CCDC60: variants seen among roughly 807,000 people sequenced by gnomAD.
CCDC60 encodes coiled-coil domain-containing protein 60.
CCDC60 carries 54 observed loss-of-function variants against 63.5 expected under a neutral mutation model. That is an observed-to-expected ratio of 0.85 (90% CI 0.68 to 1.07). The LOEUF (loss-of-function observed/expected upper bound fraction) is 1.07, where lower values mean the gene tolerates loss of function less well. Among genes scored for constraint, CCDC60 ranks in the 50% least tolerant of loss-of-function variants. CCDC60 has a pLI of 0.00. For missense variants in CCDC60, 651 were observed against 684.3 expected, an observed-to-expected ratio of 0.95 and a Z score of 0.54; for synonymous variants, 206 against 238.8, an observed-to-expected ratio of 0.86 and a Z score of 1.27.
chr12:119,367,513 T>C (rs1449063685), intron 1 of CCDC60, among the ~76,000 whole-genome samples: 1 of 152,196 alleles, frequency 6.6e-6, no homozygotes, highest in Non-Finnish European at 1.5e-5. Flanking sequence ...GATATCTATT[T>C]TAGTGTTTGT....
At chr12:119,335,557 G>A (rs1035470892) in intron 1 of CCDC60, among the ~76,000 whole-genome samples, 3 of 150,748 alleles carry the variant, frequency 2.0e-5, no homozygotes, top group African/African-American at 2.4e-5. Context: ...CAGTGATGAT[G>A]AGCATTTTTT....
At position 119,511,147 on chromosome 12, in the gene CCDC60, C is replaced by T. The variant is rs529619286; in HGVS notation, c.884-5476C>T. Among the ~76,000 whole-genome samples the T allele has an allele frequency of 3.3e-5, 5 of 152,300 alleles. No homozygotes were observed. The South Asian group carries it at 1.0e-3, about 32-fold the overall frequency. On this transcript the variant is annotated intron_variant, in intron 7 of 13. Coordinates refer to ENST00000327554, the MANE Select transcript of CCDC60 (RefSeq NM_178499.5). ...AGTTTGCTACTTTAGCCTCCCAAAC[C>T]TTTTCCTCCATTTATACCTTAACCT...
intron 1 of CCDC60, among the ~76,000 whole-genome samples, chr12:119,349,686 T>C (rs1287941671): frequency 6.6e-6 from 1 of 152,060 alleles, no homozygotes; most frequent in Non-Finnish European, 1.5e-5. Context: ...GTCCCTGAAG[T>C]TGACAACGGA....
intron 1 of CCDC60, among the ~76,000 whole-genome samples, chr12:119,352,540 A>C (rs1268742964): frequency 6.6e-6 from 1 of 152,232 alleles, no homozygotes; most frequent in East Asian, 1.9e-4. Context: ...CCTGAAAACC[A>C]GCCCAGTCTG....
At chr12:119,490,283 AT>A (rs1473642816) in intron 5 of CCDC60, among the ~76,000 whole-genome samples, 1 of 152,234 alleles carries the variant, frequency 6.6e-6, no homozygotes, top group Non-Finnish European at 1.5e-5. Context: ...GGTTGGGATA[AT>A]TTTAAAACTA....
chr12:119,516,074 AG>A (rs1334703731), intron 7 of CCDC60, among the ~76,000 whole-genome samples: 1 of 152,122 alleles, frequency 6.6e-6, no homozygotes, highest in Non-Finnish European at 1.5e-5. Context: ...CTGTGTTGAA[AG>A]AATTTATTTA....
At chr12:119,396,878 C>T (rs1386306108) in intron 1 of CCDC60, among the ~76,000 whole-genome samples, 1 of 152,182 alleles carries the variant, frequency 6.6e-6, no homozygotes, top group East Asian at 1.9e-4. Context: ...TCGCTGACTT[C>T]AAGAATGAAG....
chr12:119,516,857 T>C lies in CCDC60; in HGVS notation c.968+150T>C, dbSNP rs578059174. 3.9e-4 allele frequency: 235 copies of C among 602,750 alleles called. 1 individual carries two copies. The highest frequency in any genetic ancestry group is 6.1e-5 in the South Asian group (3 of 49,072). The allele number at this position is 602,750 out of a possible 1,614,324, so 37.3% of individuals were successfully genotyped here. A position where few individuals can be genotyped will look rare whatever the true frequency, so the allele number is the denominator to read the frequency against. On this transcript the variant is annotated intron_variant, in intron 8 of 13. Transcript: ENST00000327554. ...TCACCTCTCTGAGTTCTTACAATAA[T>C]CCTACAAGGTAGGTACTATTATCTT...
In CCDC60 at chr12:119,540,899, G is replaced by A; in HGVS notation, c.*184G>A. 1.8e-6 allele frequency: 1 copy of A among 547,540 alleles called. No homozygotes were observed. Among genetic ancestry groups the A allele is most frequent in the Non-Finnish European group, 3.2e-6 (1 of 309,862 alleles). The allele number at this position is 547,540 out of a possible 1,614,324, so 33.9% of individuals were successfully genotyped here. On this transcript the variant is annotated 3_prime_UTR_variant, in exon 14 of 14. Transcript: ENST00000327554. ...TTTTTAGAGGGGGATGGCCCCGGTG[G>A]CCCTCCCCTCAATTCCACACCCCAG...
rs566274926 is a variant in CCDC60, at chr12:119,360,265, G to A, written c.90+24999G>A. ...CGGGCAGAGGCGCCCCTCACCTCCC[G>A]GACGGGGCGGCTGGCCGGGCAGGGG... is the stretch of plus-strand genomic sequence containing the variant. On this transcript the variant is annotated intron_variant, in intron 1 of 13. Coordinates refer to ENST00000327554, the MANE Select transcript of CCDC60 (RefSeq NM_178499.5). Among the ~76,000 whole-genome samples the A allele has an allele frequency of 9.3e-5, 13 of 139,098 alleles. No individual in the cohort carries two copies. The East Asian group carries it at 1.8e-3, about 20-fold the overall frequency. 91.3% of individuals were successfully genotyped at this position (139,098 alleles called of 152,430 possible).
intron 4 of CCDC60, among the ~76,000 whole-genome samples, chr12:119,485,726 CCTAA>C (rs1291519355): frequency 6.6e-6 from 1 of 152,164 alleles, no homozygotes; most frequent in Non-Finnish European, 1.5e-5. Context: ...GGTCCCATCT[CCTAA>C]CACAGTCACA....
chr12:119,525,316 T>A (rs1283665930), intron 11 of CCDC60, among the ~76,000 whole-genome samples: 1 of 152,206 alleles, frequency 6.6e-6, no homozygotes, highest in Non-Finnish European at 1.5e-5. Context: ...TGCAAGATTC[T>A]ATACAAGAAG....
intron 13 of CCDC60, among the ~76,000 whole-genome samples, chr12:119,531,602 T>A (rs1345445318): frequency 1.3e-5 from 2 of 151,826 alleles, no homozygotes; most frequent in Non-Finnish European, 2.9e-5. Context: ...AAAGAGCAGA[T>A]CAAGAAGAGA....
intron 5 of CCDC60, among the ~76,000 whole-genome samples, chr12:119,497,199 G>A (rs1454870591): frequency 6.6e-6 from 1 of 152,186 alleles, no homozygotes; most frequent in African/African-American, 2.4e-5. Context: ...AGAGAGCAGA[G>A]AAGGCCTGGA....
chr12:119,357,063 T>C (rs1955725755), intron 1 of CCDC60, among the ~76,000 whole-genome samples: 1 of 152,198 alleles, frequency 6.6e-6, no homozygotes, highest in Admixed American at 6.5e-5. Flanking sequence ...AAAACTCATG[T>C]TGAAATTTAA....
At chr12:119,374,234 C>T (rs748553678) in intron 1 of CCDC60, among the ~76,000 whole-genome samples, 17 of 152,032 alleles carry the variant, frequency 1.1e-4, no homozygotes, top group Admixed American at 7.2e-4. Context: ...GATAATAATA[C>T]CTTTGTCACT....
chr12:119,501,156 T>C (rs1486653904), intron 6 of CCDC60, among the ~76,000 whole-genome samples: 2 of 152,206 alleles, frequency 1.3e-5, no homozygotes, highest in Middle Eastern at 3.2e-3. Context: ...CTCACAACTT[T>C]AGTGAAGAAT....
At chr12:119,463,272 T>C (rs1408498949) in intron 2 of CCDC60, among the ~76,000 whole-genome samples, 1 of 152,166 alleles carries the variant, frequency 6.6e-6, no homozygotes, top group Non-Finnish European at 1.5e-5. Context: ...CCCAAGTTAG[T>C]CCTTGACCCA....
intron 2 of CCDC60, among the ~76,000 whole-genome samples, chr12:119,443,675 A>T (rs1950487091): frequency 6.6e-6 from 1 of 152,252 alleles, no homozygotes; most frequent in African/African-American, 2.4e-5. Flanking sequence ...CTCTATTCCA[A>T]AGTGTATGAA....
Sources: allele counts gnomAD v4.1 joint callset (sites outside exome capture counted in the v4.1 genomes callset), GRCh38; gene constraint gnomAD v4.1.1; transcripts MANE v1.5; gene names NCBI Gene and HGNC (gene_info 2026-07-23, HGNC 2026-07-21).